Variants in TMTC2 observed in about 807,000 individuals in gnomAD.
The protein encoded by TMTC2 is transmembrane O-mannosyltransferase targeting cadherins 2.
A neutral mutation model predicts 82.4 loss-of-function variants in TMTC2; 43 were observed. The observed-to-expected ratio is 0.52, with a 90% CI of 0.41 to 0.67. TMTC2 has a LOEUF of 0.67. Among genes scored for constraint, TMTC2 ranks in the 30% least tolerant of loss-of-function variants. The pLI, the probability that TMTC2 is intolerant of heterozygous loss-of-function variation, is 0.00. For missense variants in TMTC2, 919 were observed against 1,012.4 expected (o/e 0.91, Z 1.25); for synonymous variants, 408 against 381.9 (o/e 1.07, Z -0.80).
chr12:82,706,553 G>C (rs1191517815), intron 1 of TMTC2, among the ~76,000 whole-genome samples: 1 of 152,124 alleles, frequency 6.6e-6, no homozygotes, highest in East Asian at 1.9e-4. Context: ...AAAACAGGTA[G>C]CTATTATAGG....
intron 11 of TMTC2, among the ~76,000 whole-genome samples, chr12:83,079,513 A>T (rs1883392876): frequency 6.6e-6 from 1 of 152,064 alleles, no homozygotes; most frequent in African/African-American, 2.4e-5. Flanking sequence ...CATTTATTGT[A>T]TTTTTGTTAT....
At chr12:82,730,791 A>G (rs1212078122) in intron 1 of TMTC2, among the ~76,000 whole-genome samples, 1 of 152,220 alleles carries the variant, frequency 6.6e-6, no homozygotes, top group African/African-American at 2.4e-5. Context: ...TGTCCTTTCG[A>G]ATTCCAATGG....
chr12:83,067,394 A>C (rs896664748), intron 11 of TMTC2, among the ~76,000 whole-genome samples: 3 of 152,028 alleles, frequency 2.0e-5, no homozygotes, highest in Non-Finnish European at 2.9e-5. Context: ...TAGGATACTA[A>C]AAATGTGTGT....
intron 11 of TMTC2, among the ~76,000 whole-genome samples, chr12:83,109,326 G>T (rs749958026): frequency 6.6e-6 from 1 of 152,174 alleles, no homozygotes; most frequent in East Asian, 1.9e-4. Context: ...TCACTATTTT[G>T]ACAGAGTACC....
intron 8 of TMTC2, among the ~76,000 whole-genome samples, chr12:83,015,163 C>A (rs1361687443): frequency 6.6e-6 from 1 of 152,116 alleles, no homozygotes; most frequent in Non-Finnish European, 1.5e-5. Flanking sequence ...CATAGATAAT[C>A]CCTCAACTCT....
chr12:82,754,450 T>G (rs2136970731), intron 1 of TMTC2, among the ~76,000 whole-genome samples: 1 of 152,254 alleles, frequency 6.6e-6, no homozygotes, highest in African/African-American at 2.4e-5. Flanking sequence ...AAAAAGTACT[T>G]CAGGCCGGGT....
intron 9 of TMTC2, 61 bp downstream of exon 9, chr12:83,030,940 A>G: frequency 8.0e-7 from 1 of 1,256,614 alleles, no homozygotes; most frequent in Non-Finnish European, 1.2e-6. Flanking sequence ...TTGATATGAG[A>G]TCTAGGCTTT....
At chr12:82,823,877 T>G (rs1293435198) in intron 1 of TMTC2, among the ~76,000 whole-genome samples, 6 of 151,912 alleles carry the variant, frequency 3.9e-5, no homozygotes, top group African/African-American at 1.5e-4. Flanking sequence ...AAGTCCTTGT[T>G]GCTGGCCATT....
chr12:83,001,410 G>T (rs1236625250), intron 8 of TMTC2, among the ~76,000 whole-genome samples: 11 of 151,916 alleles, frequency 7.2e-5, no homozygotes, highest in Admixed American at 4.6e-4. Flanking sequence ...GGCCGAGGTG[G>T]GTGGGTCACC....
chr12:82,873,576 G>A (rs549131326), intron 2 of TMTC2, among the ~76,000 whole-genome samples: 1 of 152,070 alleles, frequency 6.6e-6, no homozygotes, highest in Non-Finnish European at 1.5e-5. Flanking sequence ...TGTGTGTTTG[G>A]TACATGCAGC....
chr12:82,864,623 TC>T (rs1464958314), intron 2 of TMTC2, among the ~76,000 whole-genome samples: 1 of 147,086 alleles, frequency 6.8e-6, no homozygotes, highest in Non-Finnish European at 1.5e-5. Context: ...TACCTCAGCC[TC>T]CCGAGTAGCT....
intron 8 of TMTC2, among the ~76,000 whole-genome samples, chr12:83,021,211 C>A (rs1360008750): frequency 6.6e-6 from 1 of 152,198 alleles, no homozygotes; most frequent in Middle Eastern, 3.4e-3. Flanking sequence ...TGCAAGGTAT[C>A]CGATTTCCAG....
At chr12:83,118,786 G>A (rs1267149136) in intron 11 of TMTC2, among the ~76,000 whole-genome samples, 2 of 152,180 alleles carry the variant, frequency 1.3e-5, no homozygotes, top group Admixed American at 6.6e-5. Flanking sequence ...AATTCATCTG[G>A]ACCTGGACTT....
intron 1 of TMTC2, among the ~76,000 whole-genome samples, chr12:82,817,306 T>G (rs1261266634): frequency 1.3e-5 from 2 of 152,122 alleles, no homozygotes. Context: ...TATTGGTTTT[T>G]GTTTTTGTTT....
chr12:83,032,837 A>AG (rs1881496791), intron 9 of TMTC2, among the ~76,000 whole-genome samples: 1 of 152,168 alleles, frequency 6.6e-6, no homozygotes, highest in African/African-American at 2.4e-5. Context: ...CTGGGGTTAG[A>AG]GGCGTGAGCC....
intron 1 of TMTC2, among the ~76,000 whole-genome samples, chr12:82,840,971 G>T (rs1870301239): frequency 6.6e-6 from 1 of 152,042 alleles, no homozygotes; most frequent in Admixed American, 6.6e-5. Context: ...GTAGAGACGG[G>T]ATTTCACTAT....
chr12:82,952,701 A>G (rs1026618785), intron 4 of TMTC2, among the ~76,000 whole-genome samples: 1 of 152,064 alleles, frequency 6.6e-6, no homozygotes, highest in East Asian at 1.9e-4. Context: ...GCATGCCACC[A>G]TGCCCTGCTA....
intron 8 of TMTC2, among the ~76,000 whole-genome samples, chr12:83,020,158 G>A (rs933138320): frequency 7.9e-5 from 12 of 152,148 alleles, no homozygotes; most frequent in South Asian, 2.1e-4. Context: ...AATGGCCATC[G>A]ATTGTGTTTG....
chr12:82,762,534 G>A (rs1307960007), intron 1 of TMTC2, among the ~76,000 whole-genome samples: 1 of 152,088 alleles, frequency 6.6e-6, no homozygotes, highest in Non-Finnish European at 1.5e-5. Context: ...TTCCTTTGAT[G>A]ATATTTTAGA....
Sources: allele counts gnomAD v4.1 joint callset (sites outside exome capture counted in the v4.1 genomes callset), GRCh38; gene constraint gnomAD v4.1.1; transcripts MANE v1.5; gene names NCBI Gene and HGNC (gene_info 2026-07-23, HGNC 2026-07-21).